Variants in JAK1 observed in about 807,000 individuals in gnomAD.
The protein encoded by JAK1 is Janus kinase 1.
In JAK1, 16 loss-of-function variants were observed where a neutral mutation model predicts 136.6. The observed-to-expected ratio is 0.12, with a 90% CI of 0.08 to 0.18. The LOEUF is 0.18. Among genes scored for constraint, JAK1 ranks in the 10% least tolerant of loss-of-function variants. JAK1 has a pLI of 1.00. For missense variants in JAK1, 859 were observed against 1,450.1 expected (o/e 0.59, Z 6.62); for synonymous variants, 492 against 519.5 (o/e 0.95, Z 0.72).
chr1:64,962,989 T>C lies in JAK1; in HGVS notation c.-78+3344A>G, dbSNP rs138859107. Among the ~76,000 whole-genome samples the C allele has an allele frequency of 2.6e-5, 4 of 152,242 alleles. No individual in the cohort carries two copies. In the East Asian group the frequency reaches 5.8e-4, roughly 22 times the overall value. ...CGGGAGGCTGAGGCACGAGAATCACTTGAACCTGGGAGGCAGAGGTTGCAG... is the reference window on the plus strand; with the variant it reads ...CGGGAGGCTGAGGCACGAGAATCACCTGAACCTGGGAGGCAGAGGTTGCAG... On this transcript the variant is annotated intron_variant, in intron 1 of 24. Transcript: ENST00000342505.
chr1:64,973,521 CA>C (rs1646471942), intron 2 of JAK1: 1 of 136,464 alleles, frequency 7.3e-6, no homozygotes, highest in Non-Finnish European at 1.5e-5. Context: ...TCTGAAGTGT[CA>C]AAATTGCTTT....
At chr1:65,017,562 A>C (rs1395759691) in intron 2 of JAK1, among the ~76,000 whole-genome samples, 1 of 152,152 alleles carries the variant, frequency 6.6e-6, no homozygotes, top group Admixed American at 6.6e-5. Context: ...TCATTCAACA[A>C]CTGCAGAAAA....
intron 2 of JAK1, among the ~76,000 whole-genome samples, chr1:65,031,630 A>G (rs1388355385): frequency 6.6e-6 from 1 of 152,220 alleles, no homozygotes; most frequent in Non-Finnish European, 1.5e-5. Flanking sequence ...GTATTGTATC[A>G]AAGTTAAATT....
chr1:64,860,668 G>T (rs1656243338), intron 8 of JAK1, among the ~76,000 whole-genome samples: 1 of 151,994 alleles, frequency 6.6e-6, no homozygotes, highest in Admixed American at 6.6e-5. Flanking sequence ...TGGCCAGGCT[G>T]GTCTTGAACT....
At position 65,062,040 on chromosome 1, in the gene JAK1, G is replaced by A. The variant is rs183237149; in HGVS notation, c.-181+5564C>T. 1.1e-3 allele frequency among the ~76,000 whole-genome samples: 163 copies of A among 151,780 alleles called. 2 individuals carry two copies. The highest frequency in any genetic ancestry group is 1.9e-3 in the Non-Finnish European group (127 of 67,914). ...CTATGTAACTTTATAAGGTCCATGT[G>A]GACGAAAAAAAAACCCTATGGACAC... On this transcript the variant is annotated intron_variant, in intron 1 of 25. Coordinates refer to the JAK1 transcript ENST00000671954.
chr1:64,959,675 T>C (rs539086950), intron 1 of JAK1, among the ~76,000 whole-genome samples: 1 of 152,360 alleles, frequency 6.6e-6, no homozygotes, highest in South Asian at 2.1e-4. Flanking sequence ...AAAAGCACCT[T>C]TGTTAGTCAT....
At chr1:64,907,979 T>C (rs1231622169) in intron 1 of JAK1, among the ~76,000 whole-genome samples, 1 of 152,214 alleles carries the variant, frequency 6.6e-6, no homozygotes, top group Non-Finnish European at 1.5e-5. Flanking sequence ...TTTTCGAATA[T>C]GGAACTTGAG....
chr1:64,845,487 C>T (rs2100999567), intron 15 of JAK1, 26 bp downstream of exon 15: 1 of 1,613,868 alleles, frequency 6.2e-7, no homozygotes, highest in Non-Finnish European at 8.5e-7. Context: ...CTGGTGGGAC[C>T]ATTATGGACA....
chr1:64,864,835 T>C lies in JAK1; in HGVS notation c.1128A>G (p.Val376=). Residue 376 remains valine, a synonymous_variant, in exon 8 of 25, where the codon GTA becomes GTG. Coordinates refer to ENST00000342505, the MANE Select transcript of JAK1 (RefSeq NM_002227.4). The part of the protein sequence containing the change: ...FSYFPEITHI[V]IKESVVSINK... ...TAATGCTGACCACAGACTCCTTTAT[T>C]ACAATGTGAGTGATTTCAGGGAAGT... 5 of 1,614,042 alleles carry C rather than the reference T, an allele frequency of 3.1e-6. No homozygotes were observed. The highest frequency in any genetic ancestry group is 4.2e-6 in the Non-Finnish European group (5 of 1,179,936).
At chr1:64,839,145 CAAAAAAA>C (rs56058898) in intron 20 of JAK1, among the ~76,000 whole-genome samples, 3 of 59,870 alleles carry the variant, frequency 5.0e-5, no homozygotes, top group African/African-American at 1.2e-4. Flanking sequence ...GACTCCGTCT[CAAAAAAA>C]AAAAAAAAAA....
chr1:64,932,706 T>C (rs1645719465), intron 1 of JAK1, among the ~76,000 whole-genome samples: 1 of 152,180 alleles, frequency 6.6e-6, no homozygotes, highest in Non-Finnish European at 1.5e-5. Flanking sequence ...ACACTAACGC[T>C]ATGGTTTGTT....
chr1:64,985,850 T>A (rs1031979593), intron 2 of JAK1: 1 of 614,798 alleles, frequency 1.6e-6, no homozygotes, highest in African/African-American at 1.9e-5. Context: ...TGACAAACAG[T>A]CCAACAGAAA....
upstream of JAK1, among the ~76,000 whole-genome samples, chr1:64,970,277 T>G (rs572977089): frequency 6.9e-6 from 1 of 145,216 alleles, no homozygotes; most frequent in African/African-American, 2.6e-5. Flanking sequence ...CCGTCTCTAC[T>G]AAAAATACAA....
chr1:65,041,450 A>T (rs1373305387), intron 2 of JAK1, among the ~76,000 whole-genome samples: 1 of 152,096 alleles, frequency 6.6e-6, no homozygotes, highest in African/African-American at 2.4e-5. Context: ...TCTGTTTTAG[A>T]TACTGTATCA....
chr1:64,881,338 A>G (rs1358746083), intron 3 of JAK1, among the ~76,000 whole-genome samples: 1 of 148,348 alleles, frequency 6.7e-6, no homozygotes, highest in African/African-American at 2.5e-5. Flanking sequence ...GGTAAATACT[A>G]TTTTGACCAT....
intron 1 of JAK1, among the ~76,000 whole-genome samples, chr1:64,890,975 G>T (rs1414546892): frequency 6.6e-6 from 1 of 152,174 alleles, no homozygotes; most frequent in East Asian, 1.9e-4. Flanking sequence ...TGTTCTTGGT[G>T]TAAGTGGGGA....
intron 1 of JAK1, among the ~76,000 whole-genome samples, chr1:64,924,841 G>A (rs377003837): frequency 2.8e-4 from 43 of 152,176 alleles, no homozygotes; most frequent in Non-Finnish European, 4.0e-4. Flanking sequence ...CACATGGTCA[G>A]CAGGGGCTGA....
chr1:64,854,709 T>TCC (rs1194992138), intron 11 of JAK1, among the ~76,000 whole-genome samples: 11 of 151,896 alleles, frequency 7.2e-5, no homozygotes, highest in Non-Finnish European at 1.3e-4. Flanking sequence ...TCCCTGATCC[T>TCC]CCCTGGCCCC....
chr1:64,892,562 G>T (rs1303347272), intron 1 of JAK1, among the ~76,000 whole-genome samples: 1 of 152,172 alleles, frequency 6.6e-6, no homozygotes, highest in African/African-American at 2.4e-5. Context: ...TAAGGTTACA[G>T]GCATGAACCA....
Sources: gnomAD v4.1 joint callset for allele counts (sites outside exome capture counted in the v4.1 genomes callset) on GRCh38, gnomAD v4.1.1 for gene constraint, MANE v1.5 for transcripts, NCBI Gene and HGNC (gene_info 2026-07-23, HGNC 2026-07-21) for gene names.